The following GABPA variants were observed in gnomAD, a reference collection of about 807,000 sequenced individuals.
GABPA encodes GA-binding protein alpha chain.
A neutral mutation model predicts 59.4 loss-of-function variants in GABPA; 4 were observed. That is an observed-to-expected ratio of 0.07 (90% CI 0.03 to 0.15). The LOEUF (loss-of-function observed/expected upper bound fraction) is 0.15, where lower values mean the gene tolerates loss of function less well. GABPA is among the 10% of genes least tolerant of loss of function. The pLI, the probability that GABPA is intolerant of heterozygous loss-of-function variation, is 1.00. For synonymous variants in GABPA, 164 were observed against 183.1 expected (o/e 0.90, Z 0.84); for missense variants, 251 against 543.8 (o/e 0.46, Z 5.36).
At chr21:25,748,897 A>G in intron 3 of GABPA, 139 bp from the exon 4 acceptor site, 1 of 638,456 alleles carries the variant, frequency 1.6e-6, no homozygotes, top group Middle Eastern at 3.2e-4. Flanking sequence ...TGACAAGCTA[A>G]ATAATGTGTT....
intron 1 of GABPA, 121 bp from the exon 2 acceptor site, chr21:25,741,452 A>G (rs565452464): frequency 1.6e-5 from 7 of 442,402 alleles, no homozygotes; most frequent in Admixed American, 4.4e-5. Context: ...TCTATATGTA[A>G]AGACTACTTC....
chr21:25,755,305 C>T (rs2035606563), intron 5 of GABPA, among the ~76,000 whole-genome samples: 1 of 151,760 alleles, frequency 6.6e-6, no homozygotes, highest in Non-Finnish European at 1.5e-5. Flanking sequence ...AAGAGCTGGG[C>T]ATGGTGGCAT....
intron 5 of GABPA, 25 bp downstream of exon 5, chr21:25,752,259 T>C (rs771839070): frequency 1.2e-6 from 2 of 1,606,250 alleles, no homozygotes; most frequent in Admixed American, 3.4e-5. Context: ...AATTCTATAT[T>C]GGGTAGAATA....
intron 9 of GABPA, 52 bp downstream of exon 9, chr21:25,764,839 A>G: frequency 7.5e-7 from 1 of 1,341,686 alleles, no homozygotes; most frequent in Non-Finnish European, 1.0e-6. Flanking sequence ...ACTTTCTAAA[A>G]AATAGTTTCT....
At chr21:25,741,732 C>G in intron 2 of GABPA, 57 bp downstream of exon 2, 2 of 1,093,336 alleles carry the variant, frequency 1.8e-6, no homozygotes, top group South Asian at 1.4e-5. Flanking sequence ...CTAATTAAAA[C>G]CAGGAAACAA....
At chr21:25,759,080 AG>A (rs1165332698) in intron 6 of GABPA, among the ~76,000 whole-genome samples, 5 of 149,312 alleles carry the variant, frequency 3.3e-5, no homozygotes, top group African/African-American at 1.3e-4. Flanking sequence ...GAAAAAAAAG[AG>A]AGAGAGAAGT....
At chr21:25,754,474 G>C (rs1382598470) in intron 5 of GABPA, among the ~76,000 whole-genome samples, 1 of 151,960 alleles carries the variant, frequency 6.6e-6, no homozygotes, top group African/African-American at 2.4e-5. Flanking sequence ...CTTTCTGCCA[G>C]ATTTTCTTGT....
chr21:25,746,892 A>G (rs1188417882), intron 3 of GABPA, among the ~76,000 whole-genome samples: 1 of 152,208 alleles, frequency 6.6e-6, no homozygotes, highest in Admixed American at 6.5e-5. Context: ...AAACACCTCA[A>G]ATGTTCCAAA....
intron 5 of GABPA, among the ~76,000 whole-genome samples, chr21:25,754,309 T>C (rs183344581): frequency 2.3e-4 from 35 of 152,352 alleles, no homozygotes; most frequent in Admixed American, 2.1e-3. Flanking sequence ...TGGACAGCCC[T>C]GATCTTGATA....
chr21:25,746,354 T>C (rs2035365155), intron 3 of GABPA, among the ~76,000 whole-genome samples: 1 of 152,210 alleles, frequency 6.6e-6, no homozygotes. Context: ...GATTAATGTA[T>C]ATTGTTTCAT....
rs2035997456 is a variant in GABPA, at chr21:25,770,919, G to GT, written c.*1688dup. The stretch of plus-strand genomic sequence containing the variant: ...TTGATATCTGAGCAGAGTAAGATTT[G>GT]TATTTCCATTTTTACTTTTTTGAAA... On this transcript the variant is annotated 3_prime_UTR_variant, in exon 10 of 10. Transcript: ENST00000400075. The GT allele has an allele frequency of 6.6e-6, 1 of 152,000 alleles. No individual in the cohort carries two copies. Among genetic ancestry groups the GT allele is most frequent in the Admixed American group, 6.6e-5 (1 of 15,248 alleles). 9.4% of individuals were successfully genotyped at this position (152,000 alleles called of 1,614,324 possible).
In GABPA at chr21:25,735,408, G is replaced by C. The variant is rs911227378; in HGVS notation, c.-197G>C. ...AAGGTGCCTGGGAGGCGGGAGGGGG[G>C]TTGGGGCTTCTCAGCGCCGATTCCG... On this transcript the variant is annotated 5_prime_UTR_variant, in exon 1 of 10. Coordinates refer to ENST00000400075, the MANE Select transcript of GABPA (RefSeq NM_002040.4). The C allele has an allele frequency of 4.5e-5, 8 of 178,852 alleles. No homozygotes were observed. The highest frequency in any genetic ancestry group is 1.7e-4 in the African/African-American group (7 of 42,192). 11.1% of individuals were successfully genotyped at this position (178,852 alleles called of 1,614,324 possible). A position where few individuals can be genotyped will look rare whatever the true frequency, so the allele number is the denominator to read the frequency against.
At chr21:25,754,451 C>G (rs1036728450) in intron 5 of GABPA, among the ~76,000 whole-genome samples, 3 of 152,022 alleles carry the variant, frequency 2.0e-5, no homozygotes, top group Non-Finnish European at 2.9e-5. Context: ...TTTCATCTTA[C>G]CTATCTGCAC....
intron 4 of GABPA, among the ~76,000 whole-genome samples, chr21:25,750,027 C>T (rs2035468340): frequency 6.6e-6 from 1 of 152,110 alleles, no homozygotes; most frequent in African/African-American, 2.4e-5. Context: ...ATACAACTCA[C>T]CATAATGTAG....
intron 5 of GABPA, among the ~76,000 whole-genome samples, chr21:25,756,363 T>C (rs1167136501): frequency 6.6e-6 from 1 of 152,134 alleles, no homozygotes; most frequent in East Asian, 1.9e-4. Flanking sequence ...ACCTGGGCCT[T>C]CTCCTCTTTC....
intron 9 of GABPA, 29 bp downstream of exon 9, chr21:25,764,816 A>G (rs746950409): frequency 6.8e-7 from 1 of 1,464,940 alleles, no homozygotes; most frequent in Non-Finnish European, 9.1e-7. Flanking sequence ...TTTTTCTGTT[A>G]TCAAAAATAG....
chr21:25,769,903 A>C lies in GABPA; in HGVS notation c.*671A>C, dbSNP rs139934166. ...AGCCAATTTTAAGGATTTTCTGTAT[A>C]GATTACTCATGTCAGACCAAGAATT... On this transcript the variant is annotated 3_prime_UTR_variant, in exon 10 of 10. Transcript: ENST00000400075. 1 of 152,762 alleles carries C rather than the reference A, an allele frequency of 6.5e-6. No individual in the cohort carries two copies. Among genetic ancestry groups the C allele is most frequent in the African/African-American group, 2.4e-5 (1 of 41,588 alleles). 9.5% of individuals were successfully genotyped at this position (152,762 alleles called of 1,614,324 possible).
At chr21:25,746,358 G>A (rs1341314084) in intron 3 of GABPA, among the ~76,000 whole-genome samples, 1 of 152,030 alleles carries the variant, frequency 6.6e-6, no homozygotes, top group Admixed American at 6.5e-5. Context: ...AATGTATATT[G>A]TTTCATCTTC....
chr21:25,735,457 A>C lies in GABPA; in HGVS notation c.-148A>C, dbSNP rs140704996. 0.024 allele frequency: 3,760 copies of C among 159,192 alleles called. 155 individuals carry two copies. Among genetic ancestry groups the C allele is most frequent in the African/African-American group, 0.086 (3,566 of 41,652 alleles). The allele number at this position is 159,192 out of a possible 1,614,324, so 9.9% of individuals were successfully genotyped here. ...CGCGGGAAGGGCCCTGGGACCTCAC[A>C]CTTCTAGTCGCGGGAGCTGCAGGTC... On this transcript the variant is annotated 5_prime_UTR_variant, in exon 1 of 10. Transcript: ENST00000400075.
Sources: allele counts gnomAD v4.1 joint callset (sites outside exome capture counted in the v4.1 genomes callset), GRCh38; gene constraint gnomAD v4.1.1; transcripts MANE v1.5; gene names NCBI Gene and HGNC (gene_info 2026-07-23, HGNC 2026-07-21).